Variants in SLMAP observed in about 807,000 individuals in gnomAD.
The protein encoded by SLMAP is sarcolemmal membrane-associated protein.
In SLMAP, 44 loss-of-function variants were observed where a neutral mutation model predicts 128.8. That is an observed-to-expected ratio of 0.34 (90% CI 0.27 to 0.44). The LOEUF is 0.44. Ranked by LOEUF, SLMAP falls within the 20% of genes least tolerant of loss-of-function variation. The pLI is 1.00. For missense variants in SLMAP, 787 were observed against 985.3 expected (o/e 0.80, Z 2.69); for synonymous variants, 327 against 348.8 (o/e 0.94, Z 0.70).
chr3:57,824,727 C>T (rs948476105), intron 2 of SLMAP, among the ~76,000 whole-genome samples: 29 of 152,284 alleles, frequency 1.9e-4, no homozygotes, highest in African/African-American at 7.0e-4. Flanking sequence ...ATATTGCCTA[C>T]TCAAGGTCCC....
chr3:57,808,640 C>T (rs1000959457), intron 2 of SLMAP, among the ~76,000 whole-genome samples: 2 of 152,138 alleles, frequency 1.3e-5, no homozygotes, highest in African/African-American at 4.8e-5. Flanking sequence ...GATTTTTGTT[C>T]TTTTGCATTT....
chr3:57,846,873 A>G (rs1041488532), intron 4 of SLMAP, among the ~76,000 whole-genome samples: 12 of 152,150 alleles, frequency 7.9e-5, no homozygotes, highest in Non-Finnish European at 1.2e-4. Flanking sequence ...ATGGATAAAG[A>G]GTACTCCTTT....
intron 2 of SLMAP, among the ~76,000 whole-genome samples, chr3:57,799,342 G>A (rs1324574139): frequency 6.6e-6 from 1 of 152,194 alleles, no homozygotes; most frequent in African/African-American, 2.4e-5. Context: ...ACTGATGGAG[G>A]AAAAGGCTTT....
intron 2 of SLMAP, among the ~76,000 whole-genome samples, chr3:57,805,520 C>T (rs2089632521): frequency 1.3e-5 from 2 of 152,230 alleles, no homozygotes; most frequent in Non-Finnish European, 1.5e-5. Flanking sequence ...CACATAGTTT[C>T]TGTCACTGAG....
intron 2 of SLMAP, among the ~76,000 whole-genome samples, chr3:57,774,802 G>A (rs1478331572): frequency 6.6e-6 from 1 of 152,072 alleles, no homozygotes; most frequent in African/African-American, 2.4e-5. Context: ...GGGATTACAG[G>A]TGTGAGCCAT....
intron 10 of SLMAP, 56 bp downstream of exon 10, chr3:57,862,142 A>G (rs1029605085): frequency 1.4e-6 from 2 of 1,391,932 alleles, no homozygotes; most frequent in African/African-American, 2.9e-5. Context: ...AACACACTAG[A>G]TAGCTTAAGA....
chr3:57,826,988 A>G (rs2092971967), intron 2 of SLMAP, among the ~76,000 whole-genome samples: 1 of 152,060 alleles, frequency 6.6e-6, no homozygotes, highest in Non-Finnish European at 1.5e-5. Flanking sequence ...AATGTTTCCC[A>G]TGGGATTTTG....
At chr3:57,918,878 T>C (rs923921522) in intron 22 of SLMAP, among the ~76,000 whole-genome samples, 4 of 152,218 alleles carry the variant, frequency 2.6e-5, no homozygotes, top group Non-Finnish European at 4.4e-5. Context: ...ATTCTTTTTA[T>C]GAAGAAGAAC....
intron 14 of SLMAP, among the ~76,000 whole-genome samples, chr3:57,874,195 G>A (rs1314789047): frequency 2.0e-5 from 3 of 152,150 alleles, no homozygotes; most frequent in African/African-American, 7.2e-5. Context: ...AAGAAGCTAA[G>A]GTGGGAGGAC....
chr3:57,854,081 T>TA (rs2094649663), intron 6 of SLMAP, among the ~76,000 whole-genome samples: 20 of 137,800 alleles, frequency 1.5e-4, no homozygotes, highest in South Asian at 1.4e-3. Context: ...TATATATATA[T>TA]TATGTGTAAA....
At chr3:57,794,146 C>A (rs946574720) in intron 2 of SLMAP, among the ~76,000 whole-genome samples, 12 of 152,260 alleles carry the variant, frequency 7.9e-5, no homozygotes, top group Admixed American at 3.9e-4. Context: ...GTTTTGGTGG[C>A]TGTTCTTTTT....
At chr3:57,858,437 A>C (rs1227175310) in intron 8 of SLMAP, among the ~76,000 whole-genome samples, 1 of 152,194 alleles carries the variant, frequency 6.6e-6, no homozygotes, top group African/African-American at 2.4e-5. Flanking sequence ...ATTGTTATTT[A>C]AACATTTTTT....
rs1395389338 is a variant in SLMAP at position 57,929,908 on chromosome 3, T to G, written c.*2619T>G. ...ACCATTCGAGTGGTGAATACGTTTT[T>G]ATGAGAATGTCATACTGAAAAAATA... On this transcript the variant is annotated 3_prime_UTR_variant, in exon 25 of 25. Transcript: ENST00000671191. 6.6e-6 allele frequency among the ~76,000 whole-genome samples: 1 copy of G among 152,260 alleles called. No individual in the cohort carries two copies. The highest frequency in any genetic ancestry group is 1.5e-5 in the Non-Finnish European group (1 of 68,040).
At chr3:57,818,008 C>T (rs2092079397) in intron 2 of SLMAP, among the ~76,000 whole-genome samples, 1 of 152,112 alleles carries the variant, frequency 6.6e-6, no homozygotes. Context: ...TATAGGCGGT[C>T]TGGAGAAATA....
At chr3:57,853,986 TA>T (rs1315432833) in intron 6 of SLMAP, among the ~76,000 whole-genome samples, 1 of 109,730 alleles carries the variant, frequency 9.1e-6, no homozygotes, top group Admixed American at 1.0e-4. Context: ...TATATATATA[TA>T]TATATATATA....
At chr3:57,797,685 G>A (rs2087106809) in intron 2 of SLMAP, among the ~76,000 whole-genome samples, 1 of 152,090 alleles carries the variant, frequency 6.6e-6, no homozygotes, top group African/African-American at 2.4e-5. Context: ...TTTTGAAAAA[G>A]ATTAAATGAA....
At position 57,909,114 on chromosome 3, in the gene SLMAP, G is replaced by A. The variant is rs1184859836; in HGVS notation, c.1663G>A (p.Val555Ile). 6.2e-7 allele frequency: 1 copy of A among 1,612,180 alleles called. No homozygotes were observed. The highest frequency in any genetic ancestry group is 2.2e-5 in the East Asian group (1 of 44,842). ...EEERKAYRNQVEESTKQIQVL... is the reference protein window; with the variant it reads ...EEERKAYRNQIEESTKQIQVL... Reference sequence around the variant, plus strand: ...AGAAAGAAAAGCCTATCGAAATCAAGTTGAGGAATCCACTAAACAAATACA... The same window carrying A: ...AGAAAGAAAAGCCTATCGAAATCAAATTGAGGAATCCACTAAACAAATACA... Residue 555 changes from valine to isoleucine, a missense_variant, in exon 19 of 25, where the codon GTT becomes ATT. Val to Ile is a conservative substitution (Grantham distance 29). Transcript: ENST00000671191.
At chr3:57,774,881 T>C (rs2081527752) in intron 2 of SLMAP, among the ~76,000 whole-genome samples, 2 of 152,218 alleles carry the variant, frequency 1.3e-5, no homozygotes, top group Admixed American at 1.3e-4. Context: ...TTGTGCTTCA[T>C]ATATTTAAGC....
chr3:57,897,333 G>T (rs767010922), intron 17 of SLMAP: 21 of 226,868 alleles, frequency 9.3e-5, no homozygotes, highest in Non-Finnish European at 1.7e-4. Flanking sequence ...TTATTTTCTG[G>T]TCTTCTTCAT....
Sources: allele counts gnomAD v4.1 joint callset (sites outside exome capture counted in the v4.1 genomes callset), GRCh38; gene constraint gnomAD v4.1.1; transcripts MANE v1.5; gene names NCBI Gene and HGNC (gene_info 2026-07-23, HGNC 2026-07-21).